The following GYPE variants were observed in gnomAD, a reference collection of about 807,000 sequenced individuals.
GYPE encodes the protein glycophorin-E.
GYPE carries 8 observed loss-of-function variants against 11.6 expected under a neutral mutation model. The observed-to-expected ratio is 0.69, with a 90% confidence interval of 0.41 to 1.25. The LOEUF is 1.25. GYPE is among the 50% of genes most tolerant of loss of function. GYPE has a pLI of 0.01. For synonymous variants in GYPE, 28 were observed against 29.6 expected, an observed-to-expected ratio of 0.94 and a Z score of 0.18; for missense variants, 90 against 92.8, an observed-to-expected ratio of 0.97 and a Z score of 0.12.
intron 1 of GYPE, among the ~76,000 whole-genome samples, chr4:143,901,232 G>C (rs571406376): frequency 6.6e-6 from 1 of 152,226 alleles, no homozygotes; most frequent in Non-Finnish European, 1.5e-5. Flanking sequence ...ATTTGGGTTA[G>C]ACAGAAATTC....
chr4:143,894,958 T>C (rs4511952), intron 1 of GYPE, among the ~76,000 whole-genome samples: 141,242 of 152,168 alleles, frequency 0.93, 66,498 homozygotes, highest in East Asian at 1. Flanking sequence ...TCAACAACTC[T>C]TTCATGCTAA....
intron 1 of GYPE, among the ~76,000 whole-genome samples, chr4:143,900,043 A>T (rs1170654105): frequency 3.6e-5 from 5 of 140,568 alleles, no homozygotes; most frequent in Non-Finnish European, 7.8e-5. Flanking sequence ...TGCAAATAGT[A>T]TATCGGATAA....
chr4:143,887,767 A>G (rs992450793), intron 1 of GYPE, among the ~76,000 whole-genome samples: 3 of 52,796 alleles, frequency 5.7e-5, no homozygotes, highest in Non-Finnish European at 1.3e-4. Flanking sequence ...ATATAAAGGT[A>G]TGTTTTGTCA....
In GYPE at chr4:143,905,517, A is replaced by T; in HGVS notation, c.-10T>A. 6.2e-7 allele frequency: 1 copy of T among 1,613,280 alleles called. No homozygotes were observed. ...TTATTTTTCCATACATCCTGAGATC[A>T]CGAGCTGGCTCCTGAAGTTAGTGCA... On this transcript the variant is annotated 5_prime_UTR_variant, in exon 1 of 4. Coordinates refer to ENST00000358615, the MANE Select transcript of GYPE (RefSeq NM_198682.3).
chr4:143,893,882 C>T (rs1744513164), intron 1 of GYPE, among the ~76,000 whole-genome samples: 1 of 152,114 alleles, frequency 6.6e-6, no homozygotes, highest in East Asian at 1.9e-4. Context: ...GGGAAGTTCT[C>T]CTGGATAATA....
intron 3 of GYPE, among the ~76,000 whole-genome samples, chr4:143,873,805 G>C (rs1465246066): frequency 6.6e-6 from 1 of 152,008 alleles, no homozygotes; most frequent in Non-Finnish European, 1.5e-5. Flanking sequence ...TCATGACCAA[G>C]CTTATAAAAA....
intron 1 of GYPE, among the ~76,000 whole-genome samples, chr4:143,904,535 TC>T (rs1282080321): frequency 6.6e-6 from 1 of 152,134 alleles, no homozygotes; most frequent in Non-Finnish European, 1.5e-5. Context: ...TATTTTATCC[TC>T]CCCTAGGGTA....
chr4:143,901,113 G>A (rs1744849943), intron 1 of GYPE, among the ~76,000 whole-genome samples: 1 of 152,164 alleles, frequency 6.6e-6, no homozygotes, highest in Non-Finnish European at 1.5e-5. Flanking sequence ...CTAACCTGCT[G>A]TATATAAATC....
chr4:143,898,051 T>C (rs1744721238), intron 1 of GYPE, among the ~76,000 whole-genome samples: 1 of 39,204 alleles, frequency 2.6e-5, no homozygotes, highest in African/African-American at 4.8e-5. Context: ...TGGTTTTGTA[T>C]TAAAAGACAG....
chr4:143,888,534 T>C (rs1560944553), intron 1 of GYPE, among the ~76,000 whole-genome samples: 1 of 148,830 alleles, frequency 6.7e-6, no homozygotes, highest in Non-Finnish European at 1.5e-5. Context: ...AACTACTTGA[T>C]AAATGCATCT....
intron 1 of GYPE, among the ~76,000 whole-genome samples, chr4:143,903,548 A>T (rs2149918499): frequency 6.6e-6 from 1 of 151,496 alleles, no homozygotes; most frequent in Non-Finnish European, 1.5e-5. Flanking sequence ...AAAAAGAAAA[A>T]AAAAGAAAAA....
chr4:143,881,190 CAA>C (rs35536556), intron 1 of GYPE, among the ~76,000 whole-genome samples: 2 of 104,698 alleles, frequency 1.9e-5, no homozygotes, highest in Admixed American at 9.5e-5. Context: ...GACTCCGTCT[CAA>C]AAAAAAAAAA....
intron 1 of GYPE, among the ~76,000 whole-genome samples, chr4:143,895,175 G>A (rs1481308296): frequency 6.6e-6 from 1 of 152,138 alleles, no homozygotes; most frequent in Non-Finnish European, 1.5e-5. Context: ...GCAGGAGAAC[G>A]AAATAAAGGG....
intron 3 of GYPE, among the ~76,000 whole-genome samples, chr4:143,875,966 ACT>A (rs1382201405): frequency 6.6e-6 from 1 of 151,484 alleles, no homozygotes; most frequent in African/African-American, 2.4e-5. Flanking sequence ...ACAGAGGGAA[ACT>A]CTGTCTAAAA....
chr4:143,876,492 T>A (rs1191654497), intron 3 of GYPE, among the ~76,000 whole-genome samples: 2 of 152,138 alleles, frequency 1.3e-5, no homozygotes, highest in Admixed American at 1.3e-4. Context: ...TGAAAGCAAG[T>A]TAGACAAAAC....
chr4:143,897,416 T>A (rs7690909), intron 1 of GYPE, among the ~76,000 whole-genome samples: 1 of 151,892 alleles, frequency 6.6e-6, no homozygotes, highest in African/African-American at 2.4e-5. Context: ...CTGAAGTAAG[T>A]TATGACTGTG....
At chr4:143,890,316 G>A (rs1744354665) in intron 1 of GYPE, among the ~76,000 whole-genome samples, 2 of 152,106 alleles carry the variant, frequency 1.3e-5, no homozygotes, top group Non-Finnish European at 1.5e-5. Flanking sequence ...CAGAACAAAA[G>A]AGGATTTCAC....
chr4:143,904,422 G>T (rs1255560746), intron 1 of GYPE, among the ~76,000 whole-genome samples: 2 of 151,984 alleles, frequency 1.3e-5, no homozygotes, highest in African/African-American at 4.8e-5. Context: ...ACATAAAAAT[G>T]TGGGCACATA....
At chr4:143,876,655 C>T in intron 3 of GYPE, 91 bp downstream of exon 3, 5 of 701,476 alleles carry the variant, frequency 7.1e-6, no homozygotes, top group South Asian at 4.7e-5. Context: ...AGTTCTGTTT[C>T]TCTTTTGAGT....
Sources: allele counts gnomAD v4.1 joint callset (sites outside exome capture counted in the v4.1 genomes callset), GRCh38; gene constraint gnomAD v4.1.1; transcripts MANE v1.5; gene names NCBI Gene and HGNC (gene_info 2026-07-23, HGNC 2026-07-21).